PCNT: variants seen among roughly 807,000 people sequenced by gnomAD.
PCNT encodes pericentrin.
In PCNT, 319 loss-of-function variants were observed where a neutral mutation model predicts 380.4. The ratio of observed to expected loss-of-function variants is 0.84; its 90% CI spans 0.77 to 0.92. PCNT has a LOEUF of 0.92. PCNT is among the 40% of genes least tolerant of loss of function. The probability of loss-of-function intolerance (pLI) is 0.00; values close to 1 mark genes in which losing one functional copy is unlikely to be tolerated. For synonymous variants in PCNT, 1,845 were observed against 1,735.2 expected (o/e 1.06, Z -1.57); for missense variants, 4,400 against 4,255.3 (o/e 1.03, Z -0.95).
intron 43 of PCNT, among the ~76,000 whole-genome samples, chr21:46,441,438 T>C (rs1230230631): frequency 6.6e-6 from 1 of 152,174 alleles, no homozygotes; most frequent in African/African-American, 2.4e-5. Flanking sequence ...ACAGAGGTGT[T>C]TCCCAAGGCC....
At chr21:46,325,044 C>A (rs901572117) in intron 1 of PCNT, 38 of 985,412 alleles carry the variant, frequency 3.9e-5, no homozygotes, top group Non-Finnish European at 4.3e-5. Context: ...GGACGCGCTC[C>A]CGTCTTTCTC....
In PCNT at chr21:46,403,641, A is replaced by G. The variant is rs371406353; in HGVS notation, c.5115+1158A>G. Among the ~76,000 whole-genome samples, 397 of 67,470 alleles carry G rather than the reference A, an allele frequency of 5.9e-3. 4 individuals carry two copies. Among genetic ancestry groups the G allele is most frequent in the Middle Eastern group, 0.015 (1 of 66 alleles). The allele number at this position is 67,470 out of a possible 152,430, so 44.3% of individuals were successfully genotyped here. ...TGTGTGTGTGGTGCCCACGTGGCAC[A>G]TGCTCGGTGAATGAACACAGCGTGG... On this transcript the variant is annotated intron_variant, in intron 27 of 46. Coordinates refer to ENST00000359568, the MANE Select transcript of PCNT (RefSeq NM_006031.6).
At chr21:46,434,501 C>A (rs776039914) in intron 38 of PCNT, among the ~76,000 whole-genome samples, 2 of 152,258 alleles carry the variant, frequency 1.3e-5, no homozygotes, top group Non-Finnish European at 2.9e-5. Flanking sequence ...TGTGTTGTCA[C>A]AAGGAAGCCC....
intron 33 of PCNT, 40 bp from the exon 34 acceptor site, chr21:46,427,582 G>A (rs1479686334): frequency 1.2e-6 from 2 of 1,612,842 alleles, no homozygotes; most frequent in South Asian, 1.1e-5. Context: ...GGATGCAGGT[G>A]CATTTGTGAG....
chr21:46,379,284 C>T (rs1371144234), intron 15 of PCNT, among the ~76,000 whole-genome samples: 2 of 151,910 alleles, frequency 1.3e-5, no homozygotes, highest in African/African-American at 4.8e-5. Context: ...TCGTGAGCCG[C>T]GCCCGTCTTC....
intron 44 of PCNT, among the ~76,000 whole-genome samples, chr21:46,443,607 C>G (rs550576042): frequency 6.6e-6 from 1 of 152,300 alleles, no homozygotes; most frequent in Admixed American, 6.5e-5. Flanking sequence ...GACGGGCTAC[C>G]CCTGCAGATG....
intron 9 of PCNT, 24 bp downstream of exon 9, chr21:46,351,564 C>G: frequency 7.6e-7 from 1 of 1,319,058 alleles, no homozygotes; most frequent in East Asian, 2.3e-5. Context: ...TTGGAAAATT[C>G]AGATCCTCAA....
In PCNT at chr21:46,371,278, C is replaced by T. The variant is rs915005973; in HGVS notation, c.3165+4139C>T. Among the ~76,000 whole-genome samples, 6 of 149,822 alleles carry T rather than the reference C, an allele frequency of 4.0e-5. No homozygotes were observed. In the East Asian group the frequency reaches 1.2e-3, roughly 29 times the overall value. On this transcript the variant is annotated intron_variant, in intron 15 of 46. Coordinates refer to ENST00000359568, the MANE Select transcript of PCNT (RefSeq NM_006031.6). ...AAGTCTAGAGTGCAGTGTCACGATC[C>T]TGGCTCACTGCAACCTCTGCCTCCC...
intron 27 of PCNT, among the ~76,000 whole-genome samples, chr21:46,407,485 G>A (rs979971249): frequency 1.3e-5 from 2 of 151,902 alleles, no homozygotes; most frequent in Admixed American, 1.3e-4. Context: ...GGGACTACAG[G>A]CGCCTGCCAC....
intron 2 of PCNT, among the ~76,000 whole-genome samples, chr21:46,329,832 G>A (rs888831643): frequency 2.6e-5 from 4 of 152,202 alleles, no homozygotes; most frequent in Non-Finnish European, 4.4e-5. Flanking sequence ...TAAAATGTAA[G>A]GATACTTTCT....
chr21:46,338,940 C>T (rs1353825713), intron 3 of PCNT, among the ~76,000 whole-genome samples: 2 of 152,198 alleles, frequency 1.3e-5, no homozygotes, highest in Admixed American at 1.3e-4. Context: ...GCCACTATCA[C>T]TTGGCTAATT....
In PCNT at chr21:46,416,160, T is replaced by G; in HGVS notation, c.6242T>G (p.Leu2081Arg). 1 of 1,614,236 alleles carries G rather than the reference T, an allele frequency of 6.2e-7. No homozygotes were observed. The highest frequency in any genetic ancestry group is 2.2e-5 in the East Asian group (1 of 44,886). The change falls in exon 30 of 47, where the codon CTG (leucine) becomes CGG (arginine). Residue 2081 changes from leucine (L) to arginine (R), a missense_variant. Transcript: ENST00000359568. Reference protein sequence around the residue: ...KQLQEKLNRLLYSMTFQNVDA... With the variant: ...KQLQEKLNRLRYSMTFQNVDA... ...CTTCAGGAAAAACTGAACCGTTTGC[T>G]GTATTCCATGACCTTCCAGAATGTG...
At chr21:46,338,188 A>T (rs1023460224) in intron 3 of PCNT, among the ~76,000 whole-genome samples, 1 of 152,006 alleles carries the variant, frequency 6.6e-6, no homozygotes, top group Non-Finnish European at 1.5e-5. Flanking sequence ...TAAAATTTGC[A>T]TGCTTCTAAG....
intron 21 of PCNT, among the ~76,000 whole-genome samples, chr21:46,396,498 C>T (rs1029981311): frequency 7.9e-5 from 12 of 152,256 alleles, no homozygotes; most frequent in African/African-American, 2.9e-4. Context: ...CCCTTGCGGC[C>T]TCGTCACCTT....
intron 33 of PCNT, 151 bp from the exon 34 acceptor site, chr21:46,427,471 T>A (rs759478939): frequency 7.7e-5 from 62 of 807,400 alleles, no homozygotes; most frequent in Non-Finnish European, 1.1e-4. Flanking sequence ...GCGAGTGAGC[T>A]CTGGTGTCTC....
chr21:46,426,178 T>C (rs11702824), intron 33 of PCNT, among the ~76,000 whole-genome samples: 1 of 142,772 alleles, frequency 7.0e-6, no homozygotes, highest in Non-Finnish European at 1.5e-5. Context: ...GGATTACAGG[T>C]GCATGCCACC....
rs145685356 is a variant in PCNT at position 46,445,020 on chromosome 21, G to A, written c.9967+199G>A. Among the ~76,000 whole-genome samples, 225 of 152,238 alleles carry A rather than the reference G, an allele frequency of 1.5e-3. 1 individual carries two copies. The highest frequency in any genetic ancestry group is 3.4e-3 in the Middle Eastern group (1 of 294). On this transcript the variant is annotated intron_variant, in intron 46 of 46. Transcript: ENST00000359568. ...TCTAAGCCAGTGTACTCAGTGATACGTGCTGAGGTCAGTTTGACTTAATCA... is the reference window on the plus strand; with the variant it reads ...TCTAAGCCAGTGTACTCAGTGATACATGCTGAGGTCAGTTTGACTTAATCA...
chr21:46,444,763 GAC>G lies in PCNT; in HGVS notation c.9911_9912del (p.Thr3304ArgfsTer31), dbSNP rs759126354. ...TASQDPEHSL[T>X]EYIHHLEVIQ... ...CTTCTCAAGATCCAGAACATTCCTTGACAGAGTATATTCACCATTTAGAAGTG... is the reference window on the plus strand; with the variant it reads ...CTTCTCAAGATCCAGAACATTCCTTGAGAGTATATTCACCATTTAGAAGTG... On this transcript the variant is annotated frameshift_variant, in exon 46 of 47. Transcript: ENST00000359568. LOFTEE classifies it high-confidence loss of function. The G allele has an allele frequency of 1.9e-6, 3 of 1,612,756 alleles. No individual in the cohort carries two copies. The highest frequency in any genetic ancestry group is 2.5e-6 in the Non-Finnish European group (3 of 1,179,370).
chr21:46,339,987 G>A (rs1478425772), intron 3 of PCNT, among the ~76,000 whole-genome samples: 1 of 152,144 alleles, frequency 6.6e-6, no homozygotes, highest in South Asian at 2.1e-4. Flanking sequence ...CTTGCATACC[G>A]TATTTGTCCA....
Sources: gnomAD v4.1 joint callset for allele counts (sites outside exome capture counted in the v4.1 genomes callset) on GRCh38, gnomAD v4.1.1 for gene constraint, MANE v1.5 for transcripts, NCBI Gene and HGNC (gene_info 2026-07-23, HGNC 2026-07-21) for gene names.